Variants in RABEP2 observed in about 807,000 individuals in gnomAD.
RABEP2 encodes rab GTPase-binding effector protein 2.
A neutral mutation model predicts 74.1 loss-of-function variants in RABEP2; 57 were observed. The ratio of observed to expected loss-of-function variants is 0.77; its 90% CI spans 0.62 to 0.96. The LOEUF is 0.96. RABEP2 is among the 40% of genes least tolerant of loss of function. RABEP2 has a pLI of 0.00. For missense variants in RABEP2, 692 were observed against 756.3 expected, an observed-to-expected ratio of 0.91 and a Z score of 1.00; for synonymous variants, 351 against 344.0, an observed-to-expected ratio of 1.02 and a Z score of -0.23.
rs1342468784 is a variant in RABEP2 at position 28,925,147 on chromosome 16, G to T, written c.17C>A (p.Pro6Gln). MAAAAPVAADDDERRR... is the reference protein window; with the variant it reads MAAAAQVAADDDERRR... ...CCGCTCATCGTCGTCCGCGGCCACC[G>T]GCGCAGCTGCCGCCATTGCCTCAGC... The change falls in exon 1 of 13, where the codon CCG (proline) becomes CAG (glutamine). Residue 6 changes from proline (P) to glutamine (Q), a missense_variant. Physicochemically the swap from Pro to Gln is moderately conservative, Grantham distance 76. Coordinates refer to ENST00000358201, the MANE Select transcript of RABEP2 (RefSeq NM_024816.3). 4 of 1,532,488 alleles carry T rather than the reference G, an allele frequency of 2.6e-6. No individual in the cohort carries two copies. Among genetic ancestry groups the T allele is most frequent in the African/African-American group, 2.8e-5 (2 of 72,504 alleles). The allele number at this position is 1,532,488 out of a possible 1,614,324, so 94.9% of individuals were successfully genotyped here. A position where few individuals can be genotyped will look rare whatever the true frequency, so the allele number is the denominator to read the frequency against.
chr16:28,914,879 T>C, intron 3 of RABEP2, 97 bp from the exon 4 acceptor site: 1 of 1,001,142 alleles, frequency 1.0e-6, no homozygotes, highest in Non-Finnish European at 1.5e-6. Context: ...TCAGCTCTCC[T>C]AATCCTCCCT....
rs745883313 is a variant in RABEP2, at chr16:28,905,884, G to A, written c.1424-6C>T. The A allele has an allele frequency of 2.5e-5, 41 of 1,613,786 alleles. No homozygotes were observed. The East Asian group carries it at 8.7e-4, about 34-fold the overall frequency. On this transcript the variant is annotated splice_polypyrimidine_tract_variant and splice_region_variant and intron_variant, in intron 9 of 12. Transcript: ENST00000358201. ...ACACTCACCCTCCAGCACCTCTGTG[G>A]GAAGGAAAGAAAGAGAGGTCAAGGC...
At chr16:28,906,984 A>G (rs1964244220) in intron 8 of RABEP2, among the ~76,000 whole-genome samples, 1 of 151,692 alleles carries the variant, frequency 6.6e-6, no homozygotes, top group Non-Finnish European at 1.5e-5. Flanking sequence ...AATAAAATAA[A>G]CCCTTTTGTA....
At chr16:28,921,290 A>T in intron 2 of RABEP2, 1 of 455,266 alleles carries the variant, frequency 2.2e-6, no homozygotes. Flanking sequence ...CGGCTGTGGC[A>T]ATAGTTAGGA....
intron 9 of RABEP2, 46 bp from the exon 10 acceptor site, chr16:28,905,924 T>A: frequency 6.2e-7 from 1 of 1,613,082 alleles, no homozygotes. Flanking sequence ...CTCTCTCCCC[T>A]CCCCGCTGCT....
chr16:28,923,245 A>G (rs1358143814), intron 2 of RABEP2, among the ~76,000 whole-genome samples: 1 of 151,934 alleles, frequency 6.6e-6, no homozygotes, highest in East Asian at 1.9e-4. Context: ...CTGTTTCTAC[A>G]AAAAAATACT....
chr16:28,914,949 C>T (rs1178631916), intron 3 of RABEP2, among the ~76,000 whole-genome samples, 167 bp from the exon 4 acceptor site: 1 of 151,594 alleles, frequency 6.6e-6, no homozygotes, highest in Non-Finnish European at 1.5e-5. Context: ...GAAGCTTCCA[C>T]GACTTGCCCC....
At chr16:28,909,405 T>C (rs1177092559) in intron 7 of RABEP2, among the ~76,000 whole-genome samples, 2 of 152,062 alleles carry the variant, frequency 1.3e-5, no homozygotes, top group Non-Finnish European at 2.9e-5. Context: ...CTTAAAGTAG[T>C]TGCCAATTCT....
rs1295562863 is a variant in RABEP2 at position 28,918,166 on chromosome 16, G to A, written c.432+1620C>T. 4.0e-4 allele frequency among the ~76,000 whole-genome samples: 56 copies of A among 138,662 alleles called. 1 individual carries two copies. Among genetic ancestry groups the A allele is most frequent in the South Asian group, 2.5e-4 (1 of 3,970 alleles). The allele number at this position is 138,662 out of a possible 152,430, so 91.0% of individuals were successfully genotyped here. ...GCAATCTCGGCTCACTGCAAGCTCC[G>A]CTTCCCGGGTTCACGCCATTCTCCT... On this transcript the variant is annotated intron_variant, in intron 3 of 12. Coordinates refer to ENST00000358201, the MANE Select transcript of RABEP2 (RefSeq NM_024816.3).
At chr16:28,912,938 C>T (rs1165403938) in intron 5 of RABEP2, among the ~76,000 whole-genome samples, 2 of 152,088 alleles carry the variant, frequency 1.3e-5, no homozygotes. Context: ...ACTCACAGTT[C>T]CTTGTGCCCC....
chr16:28,911,320 C>G, intron 5 of RABEP2, 141 bp from the exon 6 acceptor site: 1 of 758,498 alleles, frequency 1.3e-6, no homozygotes, highest in South Asian at 1.7e-5. Flanking sequence ...ATTCTCTTCC[C>G]TTCACTCCCC....
chr16:28,906,911 A>C (rs1340282905), intron 8 of RABEP2, among the ~76,000 whole-genome samples: 1 of 152,152 alleles, frequency 6.6e-6, no homozygotes, highest in Non-Finnish European at 1.5e-5. Flanking sequence ...GTGAATCGAG[A>C]TGGTGCCACT....
intron 3 of RABEP2, 95 bp downstream of exon 3, chr16:28,919,691 G>T: frequency 7.2e-7 from 1 of 1,386,728 alleles, no homozygotes. Context: ...ATCACTGCTG[G>T]GTGCCCCGCA....
intron 2 of RABEP2, among the ~76,000 whole-genome samples, chr16:28,920,798 C>T (rs1392131311): frequency 2.0e-5 from 3 of 152,170 alleles, no homozygotes; most frequent in East Asian, 1.9e-4. Context: ...CCCATTAACT[C>T]GTCATTTACA....
chr16:28,921,647 ATTTTTTT>A (rs56325875), intron 2 of RABEP2, among the ~76,000 whole-genome samples: 4 of 113,404 alleles, frequency 3.5e-5, no homozygotes, highest in African/African-American at 1.4e-4. Flanking sequence ...TAGAACATAG[ATTTTTTT>A]TTTTTTTTTT....
At chr16:28,913,205 C>T (rs547333087) in intron 5 of RABEP2, among the ~76,000 whole-genome samples, 112 of 152,162 alleles carry the variant, frequency 7.4e-4, no homozygotes, top group African/African-American at 2.6e-3. Flanking sequence ...GCTGGGATTA[C>T]AGGCATGAGC....
intron 5 of RABEP2, among the ~76,000 whole-genome samples, chr16:28,912,836 C>T (rs1416953869): frequency 6.6e-6 from 1 of 152,158 alleles, no homozygotes; most frequent in African/African-American, 2.4e-5. Flanking sequence ...TCATGTGGCC[C>T]TGCCTTTCTT....
At chr16:28,915,986 C>G (rs147896309) in intron 3 of RABEP2, among the ~76,000 whole-genome samples, 1 of 152,078 alleles carries the variant, frequency 6.6e-6, no homozygotes, top group Non-Finnish European at 1.5e-5. Context: ...ATTACAGATG[C>G]GTGCCACCAC....
chr16:28,918,167 CT>C (rs1183691908), intron 3 of RABEP2, among the ~76,000 whole-genome samples: 1 of 146,410 alleles, frequency 6.8e-6, no homozygotes, highest in Non-Finnish European at 1.5e-5. Context: ...GCAAGCTCCG[CT>C]TCCCGGGTTC....
Sources: allele counts gnomAD v4.1 joint callset (sites outside exome capture counted in the v4.1 genomes callset), GRCh38; gene constraint gnomAD v4.1.1; transcripts MANE v1.5; gene names NCBI Gene and HGNC (gene_info 2026-07-23, HGNC 2026-07-21).